The following GLG1 variants were observed in gnomAD, a reference collection of about 807,000 sequenced individuals.
The protein encoded by GLG1 is Golgi apparatus protein 1.
Under a neutral mutation model 160.5 loss-of-function variants are expected in GLG1, and 38 were observed. The ratio of observed to expected loss-of-function variants is 0.24; its 90% CI spans 0.18 to 0.31. GLG1 has a LOEUF of 0.31. GLG1 is among the 10% of genes least tolerant of loss of function. The pLI, the probability that GLG1 is intolerant of heterozygous loss-of-function variation, is 1.00. For missense variants in GLG1, 1,373 were observed against 1,505.2 expected (o/e 0.91, Z 1.45); for synonymous variants, 644 against 543.4 (o/e 1.19, Z -2.57).
intron 4 of GLG1, among the ~76,000 whole-genome samples, chr16:74,503,234 C>A (rs1471366189): frequency 1.3e-5 from 2 of 151,934 alleles, no homozygotes; most frequent in Non-Finnish European, 2.9e-5. Context: ...GAACTCAGGT[C>A]TCTCCTTTGC....
At position 74,485,831 on chromosome 16, in the gene GLG1, C is replaced by G; in HGVS notation, c.1536G>C (p.Gln512His). ...ALNEACESVIQTACKHIRSGD... is the reference protein window; with the variant it reads ...ALNEACESVIHTACKHIRSGD... ...CAGATCTTATATGTTTGCAGGCTGT[C>G]TGGATTACAGATTCACAAGCTTCAT... The change falls in exon 9 of 26, where the codon CAG becomes CAC. Residue 512 changes from glutamine to histidine, a missense_variant. Around this residue, in one of 4 missense-constraint regions of GLG1, gnomAD observed 386 missense variants for 388.5 expected, o/e 0.99. Coordinates refer to ENST00000422840, the MANE Select transcript of GLG1 (RefSeq NM_001145667.2). The G allele has an allele frequency of 6.2e-7, 1 of 1,613,370 alleles. No homozygotes were observed. The highest frequency in any genetic ancestry group is 8.5e-7 in the Non-Finnish European group (1 of 1,179,346).
At chr16:74,505,319 T>C (rs1031938187) in intron 3 of GLG1, among the ~76,000 whole-genome samples, 3 of 152,240 alleles carry the variant, frequency 2.0e-5, no homozygotes, top group Non-Finnish European at 4.4e-5. Context: ...CTTGGGAATT[T>C]AGTAAATAAT....
At chr16:74,459,847 G>T in intron 22 of GLG1, 58 bp from the exon 23 acceptor site, 3 of 827,206 alleles carry the variant, frequency 3.6e-6, no homozygotes, top group Non-Finnish European at 5.8e-6. Context: ...TGAACTGACA[G>T]TTTCTTCTTT....
In GLG1 at chr16:74,449,023, C is replaced by G. The variant is rs2014184682; in HGVS notation, c.*4144G>C. ...GGCTGAGGCAGGACAATCGCTTGAA[C>G]CAGGGAGTCGGAGGATTCGGTAAGC... On this transcript the variant is annotated 3_prime_UTR_variant, in exon 26 of 26. Transcript: ENST00000422840. 6.6e-6 allele frequency: 1 copy of G among 152,244 alleles called. No homozygotes were observed. The highest frequency in any genetic ancestry group is 1.5e-5 in the Non-Finnish European group (1 of 68,166). 9.4% of individuals were successfully genotyped at this position (152,244 alleles called of 1,614,324 possible). A position where few individuals can be genotyped will look rare whatever the true frequency, so the allele number is the denominator to read the frequency against.
intron 3 of GLG1, among the ~76,000 whole-genome samples, chr16:74,504,793 T>C (rs746637861): frequency 1.3e-5 from 2 of 152,182 alleles, no homozygotes; most frequent in Non-Finnish European, 2.9e-5. Flanking sequence ...ATCTAGTGGA[T>C]CAGGCACAGA....
At chr16:74,522,708 G>T (rs1386500296) in intron 2 of GLG1, among the ~76,000 whole-genome samples, 1 of 152,122 alleles carries the variant, frequency 6.6e-6, no homozygotes, top group African/African-American at 2.4e-5. Context: ...ATTTGAGACA[G>T]GACCTTGCTC....
In GLG1 at chr16:74,493,124, G is replaced by C; in HGVS notation, c.1067C>G (p.Thr356Arg). The C allele has an allele frequency of 6.2e-7, 1 of 1,611,608 alleles. No homozygotes were observed. Among genetic ancestry groups the C allele is most frequent in the Non-Finnish European group, 8.5e-7 (1 of 1,178,720 alleles). The change falls in exon 7 of 26, where the codon ACA becomes AGA. Residue 356 changes from threonine to arginine, a missense_variant. This residue lies in a region of GLG1 where 174 missense variants were observed against 229.9 expected (regional missense o/e 0.76). Transcript: ENST00000422840. ...CTGGGCAATCAGCTTTTGGCGGGTT[G>C]TAAGTGCTTCTCGACACTGAGGAAA... ...SMSEKCREAL[T>R]TRQKLIAQDY...
rs985988707 is a variant in GLG1 at position 74,595,060 on chromosome 16, C to T, written c.438+11597G>A. Among the ~76,000 whole-genome samples the T allele has an allele frequency of 4.6e-5, 7 of 151,596 alleles. No individual in the cohort carries two copies. In the East Asian group the frequency reaches 5.8e-4, roughly 13 times the overall value. ...AAAATTAGCTCGGCGTGGTGGCAGA[C>T]GCCTGTAGTCCCAGCTACTCAGGAG... On this transcript the variant is annotated intron_variant, in intron 1 of 25. Transcript: ENST00000422840.
chr16:74,542,735 G>GAGGGAGGGAGGGAGGA (rs2017916789), intron 1 of GLG1, among the ~76,000 whole-genome samples: 4 of 28,668 alleles, frequency 1.4e-4, no homozygotes, highest in South Asian at 1.1e-3. Context: ...GGAAGGAAGG[G>GAGGGAGGGAGGGAGGA]AGGAAGGAAG....
Position 74,477,402 on chromosome 16 carries a change from A to C in GLG1, c.1959T>G (p.Thr653=). ...AGAAAGCGATGTCACCTACCTGTCC[A>C]GTCTCTGTTTTCTCACTGCACCATT... The part of the protein sequence containing the change: ...LGKWCSEKTE[T]GQELECLQDH... Residue 653 remains threonine, a synonymous_variant, in exon 12 of 26, where the codon ACT becomes ACG. Transcript: ENST00000422840. The C allele has an allele frequency of 6.2e-7, 1 of 1,611,216 alleles. No homozygotes were observed. The highest frequency in any genetic ancestry group is 8.5e-7 in the Non-Finnish European group (1 of 1,177,334).
intron 1 of GLG1, among the ~76,000 whole-genome samples, chr16:74,601,391 G>A (rs1465626123): frequency 6.6e-6 from 1 of 151,650 alleles, no homozygotes; most frequent in African/African-American, 2.4e-5. Context: ...ACCAACCTGG[G>A]CAACCCGGCA....
intron 1 of GLG1, among the ~76,000 whole-genome samples, chr16:74,590,392 C>G (rs1037607822): frequency 6.6e-6 from 1 of 151,828 alleles, no homozygotes; most frequent in South Asian, 2.1e-4. Context: ...CCGAAGCAGG[C>G]GGATCACCTG....
intron 1 of GLG1, among the ~76,000 whole-genome samples, chr16:74,590,166 T>C (rs1338976998): frequency 2.6e-5 from 4 of 151,850 alleles, no homozygotes; most frequent in African/African-American, 9.7e-5. Context: ...CCCACCTAAG[T>C]TTTTTGTATT....
At chr16:74,546,685 A>C (rs2018055017) in intron 1 of GLG1, among the ~76,000 whole-genome samples, 1 of 151,316 alleles carries the variant, frequency 6.6e-6, no homozygotes, top group Non-Finnish European at 1.5e-5. Context: ...TAAAAATACA[A>C]AAGTTAGCCA....
chr16:74,598,999 G>T (rs1009535546), intron 1 of GLG1, among the ~76,000 whole-genome samples: 1 of 151,984 alleles, frequency 6.6e-6, no homozygotes, highest in African/African-American at 2.4e-5. Context: ...GCACAAAAGA[G>T]AAATACAGCA....
Position 74,453,288 on chromosome 16 carries a change from G to A in GLG1, c.3419C>T (p.Thr1140Met), listed in dbSNP as rs568296844. Residue 1140 changes from threonine to methionine, a missense_variant, in exon 26 of 26, where the codon ACG becomes ATG. Thr to Met is a moderately conservative substitution (Grantham distance 81). Coordinates refer to ENST00000422840, the MANE Select transcript of GLG1 (RefSeq NM_001145667.2). The stretch of plus-strand genomic sequence containing the variant: ...GAGAATGTAGTTCTTAGATGGAGAC[G>A]TCATTACTTGCATGGCAAGATCAGA... ...GFSDLAMQVM[T>M]SPSKNYILSV... is the part of the protein sequence containing the mutation. The A allele has an allele frequency of 6.2e-6, 10 of 1,613,564 alleles. No individual in the cohort carries two copies. The East Asian group carries it at 6.7e-5, about 11-fold the overall frequency.
chr16:74,532,000 C>T (rs2017548748), intron 2 of GLG1, 121 bp downstream of exon 2: 5 of 452,752 alleles, frequency 1.1e-5, no homozygotes, highest in South Asian at 6.4e-5. Context: ...AGTTTGTCAT[C>T]CTTTTAAGAT....
At chr16:74,518,758 G>C (rs1025397800) in intron 2 of GLG1, among the ~76,000 whole-genome samples, 9 of 152,278 alleles carry the variant, frequency 5.9e-5, no homozygotes, top group Non-Finnish European at 2.9e-5. Flanking sequence ...GAGTGAACAG[G>C]CAACCTACAG....
intron 1 of GLG1, among the ~76,000 whole-genome samples, chr16:74,590,941 T>C (rs1958166293): frequency 6.7e-6 from 1 of 148,898 alleles, no homozygotes; most frequent in Admixed American, 6.7e-5. Context: ...GGAGGGCCTT[T>C]CTTGTTAAAA....
Sources: allele counts gnomAD v4.1 joint callset (sites outside exome capture counted in the v4.1 genomes callset), GRCh38; gene constraint gnomAD v4.1.1; regional missense constraint gnomAD v4.1.1; transcripts MANE v1.5; gene names NCBI Gene and HGNC (gene_info 2026-07-23, HGNC 2026-07-21).